Variants in DSCAM observed in about 807,000 individuals in gnomAD.
DSCAM encodes the protein cell adhesion molecule DSCAM.
Under a neutral mutation model 217.7 loss-of-function variants are expected in DSCAM, and 47 were observed. The ratio of observed to expected loss-of-function variants is 0.22; its 90% confidence interval spans 0.17 to 0.28. The LOEUF (loss-of-function observed/expected upper bound fraction) is 0.28, where lower values mean the gene tolerates loss of function less well. Ranked by LOEUF, DSCAM falls within the 10% of genes least tolerant of loss-of-function variation. The pLI is 1.00. For synonymous variants in DSCAM, 1,056 were observed against 1,015.3 expected (o/e 1.04, Z -0.76); for missense variants, 2,080 against 2,618.3 (o/e 0.79, Z 4.49).
intron 3 of DSCAM, among the ~76,000 whole-genome samples, chr21:40,432,532 A>G (rs951585862): frequency 6.6e-6 from 1 of 152,188 alleles, no homozygotes; most frequent in Non-Finnish European, 1.5e-5. Context: ...TCACATCTAT[A>G]AAGTCCTTTT....
At chr21:40,839,377 A>G (rs561122913) in intron 1 of DSCAM, among the ~76,000 whole-genome samples, 85 of 152,320 alleles carry the variant, frequency 5.6e-4, no homozygotes, top group African/African-American at 2.0e-3. Context: ...CCCTCCTACT[A>G]TTCTGCCGTG....
rs557972439 is a variant in DSCAM, at chr21:40,396,108, T to G, written c.509-26863A>C. Among the ~76,000 whole-genome samples the G allele has an allele frequency of 7.3e-4, 111 of 152,336 alleles. 1 individual carries two copies. The highest frequency in any genetic ancestry group is 1.5e-4 in the Non-Finnish European group (10 of 68,032). The stretch of plus-strand genomic sequence containing the variant: ...CAGGGTTCCTAAATCGAGATGACAT[T>G]TACCATTTTATATTTTAATTCACTA... On this transcript the variant is annotated intron_variant, in intron 3 of 32. Transcript: ENST00000400454.
chr21:40,708,730 C>T lies in DSCAM; in HGVS notation c.85G>A (p.Ala29Thr), dbSNP rs1314469440. Reference sequence around the variant, plus strand: ...GCAAACACTACCTCTTGCAGAGATGCATTGACAAAGTAGAGGCTGGAGTGT... The same window carrying T: ...GCAAACACTACCTCTTGCAGAGATGTATTGACAAAGTAGAGGCTGGAGTGT... ...DLHSSLYFVN[A>T]SLQEVVFAST... Residue 29 changes from alanine (A) to threonine (T), a missense_variant, in exon 2 of 33, where the codon GCA becomes ACA. Ala to Thr is a moderately conservative substitution (Grantham distance 58). Around this residue, in one of 5 missense-constraint regions of DSCAM, gnomAD observed 568 missense variants for 678.1 expected, o/e 0.84. Transcript: ENST00000400454. 2.5e-6 allele frequency: 4 copies of T among 1,603,266 alleles called. No individual in the cohort carries two copies. The highest frequency in any genetic ancestry group is 3.4e-5 in the Admixed American group (2 of 58,854).
chr21:40,637,914 C>T (rs1201579887), intron 3 of DSCAM, among the ~76,000 whole-genome samples: 3 of 151,696 alleles, frequency 2.0e-5, no homozygotes, highest in African/African-American at 7.3e-5. Context: ...GAACTCCTGA[C>T]CTCAGGTGAT....
rs1568965246 is a variant in DSCAM at position 40,144,379 on chromosome 21, G to A, written c.3259+112C>T. The A allele has an allele frequency of 6.6e-7, 1 of 1,506,762 alleles. No homozygotes were observed. Among genetic ancestry groups the A allele is most frequent in the Non-Finnish European group, 9.0e-7 (1 of 1,114,436 alleles). The allele number at this position is 1,506,762 out of a possible 1,614,324, so 93.3% of individuals were successfully genotyped here. On this transcript the variant is annotated intron_variant, in intron 17 of 32. Coordinates refer to ENST00000400454, the MANE Select transcript of DSCAM (RefSeq NM_001389.5). This position sits in a 1 kb window ranked among gnomAD's most constrained non-coding sequence, Gnocchi z 4.8. ...TCCACCCGAGACCCCAGGCCCTGCA[G>A]GTCACTGCAAAGTCGTGGGGCGGGG...
intron 16 of DSCAM, among the ~76,000 whole-genome samples, chr21:40,146,750 G>A (rs1197356373): frequency 6.6e-6 from 1 of 152,194 alleles, no homozygotes; most frequent in Non-Finnish European, 1.5e-5. Context: ...CCTGGTGGAA[G>A]AGCTCATACC....
intron 3 of DSCAM, among the ~76,000 whole-genome samples, chr21:40,433,455 G>A (rs182465309): frequency 1.2e-4 from 18 of 151,636 alleles, no homozygotes; most frequent in Admixed American, 1.2e-3. Flanking sequence ...CTTCTGCTTT[G>A]ACTGGCCCCA....
At chr21:40,577,547 A>G (rs2076863183) in intron 3 of DSCAM, among the ~76,000 whole-genome samples, 1 of 151,824 alleles carries the variant, frequency 6.6e-6, no homozygotes, top group African/African-American at 2.4e-5. Context: ...GGCCTCCATT[A>G]TGTTGTATCC....
chr21:40,381,062 C>CAAAAAAAAAAAAAAAAAAAAAAA (rs71186932), intron 3 of DSCAM, among the ~76,000 whole-genome samples: 8 of 66,220 alleles, frequency 1.2e-4, no homozygotes, highest in Admixed American at 5.2e-4. Flanking sequence ...GACTCCGTCT[C>CAAAAAAAAAAAAAAAAAAAAAAA]AAAAAAAAAA....
At chr21:40,134,266 G>A (rs868208515) in intron 18 of DSCAM, among the ~76,000 whole-genome samples, 1 of 151,996 alleles carries the variant, frequency 6.6e-6, no homozygotes, top group Non-Finnish European at 1.5e-5. Flanking sequence ...GAAGTAATTC[G>A]CTCCAAGTTA....
At chr21:40,546,506 T>A (rs761008114) in intron 3 of DSCAM, among the ~76,000 whole-genome samples, 23 of 152,168 alleles carry the variant, frequency 1.5e-4, no homozygotes, top group Non-Finnish European at 2.8e-4. Context: ...TCAGTTTCCA[T>A]GTGAGGAGTA....
intron 24 of DSCAM, among the ~76,000 whole-genome samples, chr21:40,081,903 C>A: frequency 6.6e-6 from 1 of 152,184 alleles, no homozygotes; most frequent in East Asian, 1.9e-4. Flanking sequence ...TCTGACACAC[C>A]CTTCTTGTTC....
chr21:40,245,348 T>C (rs1006967572), intron 11 of DSCAM, among the ~76,000 whole-genome samples: 2 of 152,264 alleles, frequency 1.3e-5, no homozygotes, highest in South Asian at 4.2e-4. Context: ...CAAGGGCAAG[T>C]CCTCGTGTCT....
At chr21:40,556,329 A>ATGT (rs2076671347) in intron 3 of DSCAM, among the ~76,000 whole-genome samples, 1 of 152,226 alleles carries the variant, frequency 6.6e-6, no homozygotes, top group African/African-American at 2.4e-5. Context: ...TAACAAAAAC[A>ATGT]GGCAATTAAC....
intron 32 of DSCAM, among the ~76,000 whole-genome samples, chr21:40,024,955 CA>C (rs199794625): frequency 1.1e-4 from 10 of 89,968 alleles, no homozygotes; most frequent in Middle Eastern, 5.1e-3. Context: ...TGCCAGTTTT[CA>C]AAGGGAATGC....
At chr21:40,506,497 T>C (rs556688684) in intron 3 of DSCAM, among the ~76,000 whole-genome samples, 3 of 152,282 alleles carry the variant, frequency 2.0e-5, no homozygotes, top group Admixed American at 6.5e-5. Flanking sequence ...TCAAACAAAA[T>C]CGGCTTAATT....
intron 1 of DSCAM, among the ~76,000 whole-genome samples, chr21:40,800,704 TTTC>T: frequency 6.7e-6 from 1 of 148,610 alleles, no homozygotes; most frequent in East Asian, 2.0e-4. Flanking sequence ...TTCTTTCTTC[TTTC>T]TTACTTTCTT....
intron 3 of DSCAM, among the ~76,000 whole-genome samples, chr21:40,434,111 C>T (rs1569121540): frequency 6.6e-6 from 1 of 152,194 alleles, no homozygotes; most frequent in African/African-American, 2.4e-5. Context: ...CCACAACTTT[C>T]CTTACCAGCC....
At chr21:40,537,165 A>G (rs934746324) in intron 3 of DSCAM, among the ~76,000 whole-genome samples, 2 of 152,146 alleles carry the variant, frequency 1.3e-5, no homozygotes, top group African/African-American at 4.8e-5. Flanking sequence ...GAGCACTTTG[A>G]TTAATTTATT....
Sources: allele counts gnomAD v4.1 joint callset (sites outside exome capture counted in the v4.1 genomes callset), GRCh38; gene constraint gnomAD v4.1.1; regional missense constraint gnomAD v4.1.1; non-coding constraint Gnocchi (gnomAD v3.1); transcripts MANE v1.5; gene names NCBI Gene and HGNC (gene_info 2026-07-23, HGNC 2026-07-21).